Variants in DCDC1 observed in about 807,000 individuals in gnomAD.
DCDC1 encodes doublecortin domain-containing protein 1.
Under a neutral mutation model 178.3 loss-of-function variants are expected in DCDC1, and 200 were observed. The ratio of observed to expected loss-of-function variants is 1.12; its 90% confidence interval spans 1.00 to 1.26. The LOEUF (loss-of-function observed/expected upper bound fraction) is 1.26. Among genes scored for constraint, DCDC1 ranks in the 50% most tolerant of loss-of-function variants. DCDC1 has a pLI of 0.00. For missense variants in DCDC1, 1,983 were observed against 1,749.2 expected (o/e 1.13, Z -2.38); for synonymous variants, 690 against 604.8 (o/e 1.14, Z -2.07).
intron 9 of DCDC1, among the ~76,000 whole-genome samples, chr11:31,238,817 T>C (rs1391724195): frequency 6.6e-6 from 1 of 152,118 alleles, no homozygotes; most frequent in Non-Finnish European, 1.5e-5. Flanking sequence ...CTTTGTGCTG[T>C]TCTAAATAAA....
At chr11:31,342,569 T>C (rs1950604146) in intron 1 of DCDC1, among the ~76,000 whole-genome samples, 1 of 152,222 alleles carries the variant, frequency 6.6e-6, no homozygotes, top group Non-Finnish European at 1.5e-5. Flanking sequence ...CACTCCTCTG[T>C]TGGCCCTCTC....
intron 15 of DCDC1, among the ~76,000 whole-genome samples, chr11:31,100,488 A>G (rs1180814503): frequency 1.3e-5 from 2 of 152,244 alleles, no homozygotes; most frequent in Admixed American, 6.5e-5. Context: ...AATACAAAAT[A>G]AAGATTAATT....
At chr11:31,175,153 C>G (rs767620922) in intron 9 of DCDC1, among the ~76,000 whole-genome samples, 1 of 152,216 alleles carries the variant, frequency 6.6e-6, no homozygotes, top group Non-Finnish European at 1.5e-5. Flanking sequence ...CATCTCCGAG[C>G]TTCCGGATGC....
At chr11:31,186,974 T>C (rs1396214936) in intron 9 of DCDC1, among the ~76,000 whole-genome samples, 1 of 152,184 alleles carries the variant, frequency 6.6e-6, no homozygotes, top group Non-Finnish European at 1.5e-5. Flanking sequence ...CAGTAAAGCA[T>C]TATCATGCAC....
In DCDC1 at chr11:30,925,422, C is replaced by G. The variant is rs572016349; in HGVS notation, c.2898-14G>C. 5.0e-6 allele frequency: 8 copies of G among 1,610,990 alleles called. No homozygotes were observed. The African/African-American group carries it at 1.1e-4, about 22-fold the overall frequency. ...ATCTCAGTGCACCTGTAATAAAAGA[C>G]ACAAAAATTGACCTTGCATACAGAA... On this transcript the variant is annotated splice_polypyrimidine_tract_variant and intron_variant, in intron 22 of 38. Coordinates refer to ENST00000684477, the MANE Select transcript of DCDC1 (RefSeq NM_001387274.1).
chr11:30,880,361 C>T (rs745986619), intron 37 of DCDC1, among the ~76,000 whole-genome samples: 6 of 152,178 alleles, frequency 3.9e-5, no homozygotes, highest in Non-Finnish European at 4.4e-5. Flanking sequence ...GTCTCCATTT[C>T]TATCCTTTTG....
chr11:31,349,671 T>C (rs1483530943), intron 1 of DCDC1, among the ~76,000 whole-genome samples: 1 of 152,160 alleles, frequency 6.6e-6, no homozygotes, highest in Non-Finnish European at 1.5e-5. Flanking sequence ...TTACAGATTT[T>C]TTTAAAACAA....
At chr11:31,038,436 C>A (rs1423859703) in intron 20 of DCDC1, among the ~76,000 whole-genome samples, 1 of 152,048 alleles carries the variant, frequency 6.6e-6, no homozygotes, top group East Asian at 1.9e-4. Context: ...TTTGTGCATA[C>A]TTTCATGTTT....
Position 30,922,531 on chromosome 11 carries a change from T to C in DCDC1, c.3105A>G (p.Gln1035=), listed in dbSNP as rs529269337. 6.4e-6 allele frequency: 10 copies of C among 1,572,448 alleles called. No individual in the cohort carries two copies. The Admixed American group carries it at 1.2e-4, about 19-fold the overall frequency. Reference sequence around the variant, plus strand: ...CTATTTTATGTGTGCTGCAGAAGATTTGAATTTTGGCAATGTCTGATTCTA... The same window carrying C: ...CTATTTTATGTGTGCTGCAGAAGATCTGAATTTTGGCAATGTCTGATTCTA... ...RNLESDIAKI[Q]IFCSTHKIEA... The change falls in exon 24 of 39, where the codon CAA becomes CAG. Residue 1035 remains glutamine, a synonymous_variant. Coordinates refer to ENST00000684477, the MANE Select transcript of DCDC1 (RefSeq NM_001387274.1).
intron 23 of DCDC1, among the ~76,000 whole-genome samples, chr11:30,924,327 T>C (rs965477418): frequency 6.6e-6 from 1 of 152,198 alleles, no homozygotes; most frequent in African/African-American, 2.4e-5. Context: ...ATTCTGCCTC[T>C]GATGTTGGCC....
chr11:31,178,882 G>A (rs753494026), intron 9 of DCDC1, among the ~76,000 whole-genome samples: 7 of 151,952 alleles, frequency 4.6e-5, no homozygotes, highest in Non-Finnish European at 7.4e-5. Flanking sequence ...TAGTAGAGAC[G>A]TGGTTACACC....
At chr11:31,039,835 T>C (rs1396724253) in intron 20 of DCDC1, among the ~76,000 whole-genome samples, 2 of 152,188 alleles carry the variant, frequency 1.3e-5, no homozygotes, top group Admixed American at 1.3e-4. Flanking sequence ...CTCGTGATAG[T>C]TGTTTCATAA....
At chr11:31,273,732 G>A (rs1359962811) in intron 7 of DCDC1, among the ~76,000 whole-genome samples, 1 of 152,092 alleles carries the variant, frequency 6.6e-6, no homozygotes. Context: ...CCAATTTACT[G>A]TATTAGTCCA....
At chr11:31,341,382 T>TAG (rs1950529447) in intron 1 of DCDC1, among the ~76,000 whole-genome samples, 1 of 134,678 alleles carries the variant, frequency 7.4e-6, no homozygotes, top group African/African-American at 2.8e-5. Context: ...ATTCCAGTTT[T>TAG]ATAGATAGAT....
intron 9 of DCDC1, among the ~76,000 whole-genome samples, chr11:31,171,645 C>G (rs879511838): frequency 6.6e-5 from 10 of 152,250 alleles, no homozygotes; most frequent in Middle Eastern, 3.4e-3. Flanking sequence ...ATCATTATTT[C>G]CTTAATGATT....
At chr11:31,274,215 A>C (rs1057024977) in intron 7 of DCDC1, among the ~76,000 whole-genome samples, 4 of 152,140 alleles carry the variant, frequency 2.6e-5, no homozygotes, top group Admixed American at 2.6e-4. Context: ...CCCTCTCTTA[A>C]GGCAATCTAA....
intron 20 of DCDC1, among the ~76,000 whole-genome samples, chr11:31,050,225 G>T (rs1167050387): frequency 6.6e-6 from 1 of 152,048 alleles, no homozygotes; most frequent in Non-Finnish European, 1.5e-5. Context: ...GCCTATGACT[G>T]CCCGCTTTCC....
At chr11:31,290,064 A>C (rs1463724271) in intron 7 of DCDC1, among the ~76,000 whole-genome samples, 1 of 152,042 alleles carries the variant, frequency 6.6e-6, no homozygotes, top group Non-Finnish European at 1.5e-5. Flanking sequence ...TAGAAAGTAC[A>C]AGCACCTTCT....
intron 9 of DCDC1, among the ~76,000 whole-genome samples, chr11:31,238,473 T>C (rs1021986876): frequency 6.6e-6 from 1 of 152,132 alleles, no homozygotes; most frequent in Non-Finnish European, 1.5e-5. Flanking sequence ...ACAGCTTCCC[T>C]GCTTGAAGCA....
Sources: gnomAD v4.1 joint callset for allele counts (sites outside exome capture counted in the v4.1 genomes callset) on GRCh38, gnomAD v4.1.1 for gene constraint, MANE v1.5 for transcripts, NCBI Gene and HGNC (gene_info 2026-07-23, HGNC 2026-07-21) for gene names.